The following BSX variants were observed in gnomAD, a reference collection of about 807,000 sequenced individuals.
The protein encoded by BSX is brain-specific homeobox protein homolog.
A neutral mutation model predicts 16.9 loss-of-function variants in BSX; 12 were observed. That is an observed-to-expected ratio of 0.71 (90% CI 0.46 to 1.15). BSX has a LOEUF of 1.15. Among genes scored for constraint, BSX ranks in the 50% most tolerant of loss-of-function variants. The pLI, the probability that BSX is intolerant of heterozygous loss-of-function variation, is 0.00. For synonymous variants in BSX, 160 were observed against 136.4 expected, an observed-to-expected ratio of 1.17 and a Z score of -1.20; for missense variants, 292 against 311.8, an observed-to-expected ratio of 0.94 and a Z score of 0.48.
rs766331352 is a variant in BSX at position 122,977,601 on chromosome 11, G to C, written c.*48C>G. On this transcript the variant is annotated 3_prime_UTR_variant, in exon 3 of 3. Transcript: ENST00000343035. This position sits in a 1 kb window ranked among gnomAD's most constrained non-coding sequence, Gnocchi z 4.5. ...TCCGGTCCAGGAGGGAACCGCGCTCGGCCCCGCAGTCTCCTCCCCTGCCTA... is the reference window on the plus strand; with the variant it reads ...TCCGGTCCAGGAGGGAACCGCGCTCCGCCCCGCAGTCTCCTCCCCTGCCTA... 18 of 1,556,136 alleles carry C rather than the reference G, an allele frequency of 1.2e-5. No individual in the cohort carries two copies. The highest frequency in any genetic ancestry group is 1.1e-4 in the East Asian group (5 of 44,438).
chr11:122,977,947 G>T lies in BSX; in HGVS notation c.460-56C>A, dbSNP rs1864518728. 6.2e-7 allele frequency: 1 copy of T among 1,603,392 alleles called. No individual in the cohort carries two copies. Among genetic ancestry groups the T allele is most frequent in the African/African-American group, 1.3e-5 (1 of 74,850 alleles). ...GTCATTCCTCCAAATCTGAGCCATC[G>T]CTGGGGTTTAGGAAAATGGGCTGCA... On this transcript the variant is annotated intron_variant, in intron 2 of 2. Transcript: ENST00000343035. This position sits in a 1 kb window ranked among gnomAD's most constrained non-coding sequence, Gnocchi z 4.5.
chr11:122,981,630 A>C lies in BSX; in HGVS notation c.42T>G (p.Ser14=), dbSNP rs775804911. Residue 14 remains serine, a synonymous_variant, in exon 1 of 3, where the codon TCT becomes TCG. Coordinates refer to ENST00000343035, the MANE Select transcript of BSX (RefSeq NM_001098169.2). The part of the protein sequence containing the change: ...NFTSPLHPAS[S]QRPTSFFIED... The stretch of plus-strand genomic sequence containing the variant: ...CGATGAAGAAGGATGTGGGCCTCTG[A>C]GAAGACGCCGGGTGTAGAGGAGAGG... 1 of 1,597,800 alleles carries C rather than the reference A, an allele frequency of 6.3e-7. No individual in the cohort carries two copies. Among genetic ancestry groups the C allele is most frequent in the Non-Finnish European group, 8.5e-7 (1 of 1,172,504 alleles).
In BSX at chr11:122,979,293, G is replaced by C. The variant is rs766532036; in HGVS notation, c.427C>G (p.Leu143Val). 1.2e-6 allele frequency: 2 copies of C among 1,613,972 alleles called. No individual in the cohort carries two copies. The highest frequency in any genetic ancestry group is 1.7e-5 in the Admixed American group (1 of 60,018). ...TCGGACAGGCTGAGGGCCGTGGCCAGCTCCACTCGTTCTGGCGTGGACAGG... is the reference window on the plus strand; with the variant it reads ...TCGGACAGGCTGAGGGCCGTGGCCACCTCCACTCGTTCTGGCGTGGACAGG... The part of the protein sequence containing the change: ...RYLSTPERVE[L>V]ATALSLSETQ... Residue 143 changes from leucine to valine, a missense_variant, in exon 2 of 3, where the codon CTG (leucine) becomes GTG (valine). Physicochemically the swap from Leu to Val is conservative, Grantham distance 32. Coordinates refer to ENST00000343035, the MANE Select transcript of BSX (RefSeq NM_001098169.2).
In BSX at chr11:122,981,815, C is replaced by T. The variant is rs893037623; in HGVS notation, c.-144G>A. The T allele has an allele frequency of 9.5e-5, 81 of 851,480 alleles. No individual in the cohort carries two copies. The Admixed American group carries it at 1.4e-3, about 14-fold the overall frequency. The allele number at this position is 851,480 out of a possible 1,614,324, so 52.7% of individuals were successfully genotyped here. A position where few individuals can be genotyped will look rare whatever the true frequency, so the allele number is the denominator to read the frequency against. ...TCTCCCGGGCCTGGGCTACCCCGGGCGCTGGAGAGGCAAGAAGACAAGCTC... is the reference window on the plus strand; with the variant it reads ...TCTCCCGGGCCTGGGCTACCCCGGGTGCTGGAGAGGCAAGAAGACAAGCTC... On this transcript the variant is annotated 5_prime_UTR_variant, in exon 1 of 3. Coordinates refer to ENST00000343035, the MANE Select transcript of BSX (RefSeq NM_001098169.2).
intron 1 of BSX, 91 bp downstream of exon 1, chr11:122,981,319 C>G (rs1420482035): frequency 7.8e-7 from 1 of 1,280,082 alleles, no homozygotes; most frequent in Non-Finnish European, 1.0e-6. Flanking sequence ...CCGAGCCAGT[C>G]TGGCCTTTCC....
At position 122,977,664 on chromosome 11, in the gene BSX, C is replaced by T. The variant is rs1167887857; in HGVS notation, c.687G>A (p.Gly229=). Residue 229 remains glycine, a synonymous_variant, in exon 3 of 3, where the codon GGG becomes GGA. Coordinates refer to ENST00000343035, the MANE Select transcript of BSX (RefSeq NM_001098169.2). This position sits in a 1 kb window ranked among gnomAD's most constrained non-coding sequence, Gnocchi z 4.5. ...GCCTGGCGGCTCAGAGCACGTGCGG[C>T]CCTGAGCCCAGCTCCCCCTCGTCTC... is the stretch of plus-strand genomic sequence containing the variant. The part of the protein sequence containing the change: ...DIGDEGELGS[G]PHVL 7 of 1,609,542 alleles carry T rather than the reference C, an allele frequency of 4.3e-6. No homozygotes were observed. The highest frequency in any genetic ancestry group is 5.9e-6 in the Non-Finnish European group (7 of 1,179,826).
In BSX at chr11:122,981,688, G is replaced by A. The variant is rs778234140; in HGVS notation, c.-17C>T. The A allele has an allele frequency of 1.3e-6, 2 of 1,573,832 alleles. No homozygotes were observed. Among genetic ancestry groups the A allele is most frequent in the Non-Finnish European group, 1.7e-6 (2 of 1,161,570 alleles). ...GAGATTCATCTTGAGCGGAGCACCT[G>A]CCACAGGACAAGGGCCGGGACGAAG... On this transcript the variant is annotated 5_prime_UTR_variant, in exon 1 of 3. Coordinates refer to ENST00000343035, the MANE Select transcript of BSX (RefSeq NM_001098169.2).
intron 1 of BSX, 67 bp from the exon 2 acceptor site, chr11:122,979,524 C>A: frequency 7.3e-7 from 1 of 1,375,272 alleles, no homozygotes; most frequent in South Asian, 1.3e-5. Flanking sequence ...CGCTCCGCTC[C>A]CCTCCCCTCC....
chr11:122,980,853 A>C (rs1864560225), intron 1 of BSX, among the ~76,000 whole-genome samples: 1 of 151,526 alleles, frequency 6.6e-6, no homozygotes, highest in Non-Finnish European at 1.5e-5. Flanking sequence ...ATCTCCCCCT[A>C]CCCCCCTTTT....
At chr11:122,979,479 A>T in intron 1 of BSX, 22 bp from the exon 2 acceptor site, 1 of 1,594,992 alleles carries the variant, frequency 6.3e-7, no homozygotes, top group South Asian at 1.1e-5. Flanking sequence ...AGAGCAACCA[A>T]GTGGGCAGAG....
intron 2 of BSX, among the ~76,000 whole-genome samples, chr11:122,978,998 G>A (rs1864534538): frequency 6.6e-6 from 1 of 151,662 alleles, no homozygotes; most frequent in Non-Finnish European, 1.5e-5. Context: ...TAGAGACGGG[G>A]TTTCACCATA....
rs907676142 is a variant in BSX, at chr11:122,977,582, C to T, written c.*67G>A. On this transcript the variant is annotated 3_prime_UTR_variant, in exon 3 of 3. Transcript: ENST00000343035. The surrounding 1 kb of genome is among the most constrained non-coding windows in gnomAD (Gnocchi z 4.5). ...GAGACTGGAGTCTGAGTCTTCCGGTCCAGGAGGGAACCGCGCTCGGCCCCG... is the reference window on the plus strand; with the variant it reads ...GAGACTGGAGTCTGAGTCTTCCGGTTCAGGAGGGAACCGCGCTCGGCCCCG... The T allele has an allele frequency of 1.3e-6, 2 of 1,534,162 alleles. No individual in the cohort carries two copies. The highest frequency in any genetic ancestry group is 1.7e-6 in the Non-Finnish European group (2 of 1,150,788).
chr11:122,981,270 C>T lies in BSX; in HGVS notation c.262+140G>A, dbSNP rs139357740. On this transcript the variant is annotated intron_variant, in intron 1 of 2. Coordinates refer to ENST00000343035, the MANE Select transcript of BSX (RefSeq NM_001098169.2). The stretch of plus-strand genomic sequence containing the variant: ...GCATGGCCTCAGCAATATCCTCAGC[C>T]TTCCACTGTCACTTAGGGAAAGAGG... 1.1e-3 allele frequency: 853 copies of T among 792,020 alleles called. 11 individuals are homozygous for T. The African/African-American group carries it at 0.012, about 12-fold the overall frequency. 49.1% of individuals were successfully genotyped at this position (792,020 alleles called of 1,614,324 possible). A position where few individuals can be genotyped will look rare whatever the true frequency, so the allele number is the denominator to read the frequency against.
intron 2 of BSX, among the ~76,000 whole-genome samples, chr11:122,979,046 C>T (rs976253085): frequency 3.5e-4 from 53 of 152,036 alleles, no homozygotes; most frequent in Non-Finnish European, 1.3e-4. Flanking sequence ...CCTCGTGATC[C>T]GCCCGCCTCG....
In BSX at chr11:122,979,294, C is replaced by G; in HGVS notation, c.426G>C (p.Glu142Asp). 1 of 1,614,006 alleles carries G rather than the reference C, an allele frequency of 6.2e-7. No individual in the cohort carries two copies. The highest frequency in any genetic ancestry group is 8.5e-7 in the Non-Finnish European group (1 of 1,179,914). The part of the protein sequence containing the change: ...QRYLSTPERV[E>D]LATALSLSET... Reference sequence around the variant, plus strand: ...CGGACAGGCTGAGGGCCGTGGCCAGCTCCACTCGTTCTGGCGTGGACAGGT... The same window carrying G: ...CGGACAGGCTGAGGGCCGTGGCCAGGTCCACTCGTTCTGGCGTGGACAGGT... The change falls in exon 2 of 3, where the codon GAG becomes GAC. Residue 142 changes from glutamate (E) to aspartate (D), a missense_variant. Glu to Asp is a conservative substitution (Grantham distance 45). Transcript: ENST00000343035.
Position 122,979,395 on chromosome 11 carries a change from G to A in BSX, c.325C>T (p.Arg109Cys), listed in dbSNP as rs1482864599. Residue 109 changes from arginine to cysteine, a missense_variant, in exon 2 of 3, where the codon CGC (arginine) becomes TGC (cysteine). This residue lies in a region of BSX where 176 missense variants were observed against 187.2 expected (regional missense o/e 0.94). Transcript: ENST00000343035. Reference sequence around the variant, plus strand: ...AAAACCGTGCGGGCTTTGCGGCGGCGGCAGTGCTTCCCCGGCAGCTCCGCG... The same window carrying A: ...AAAACCGTGCGGGCTTTGCGGCGGCAGCAGTGCTTCCCCGGCAGCTCCGCG... ...QHAELPGKHC[R>C]RRKARTVFSD... 23 of 1,613,910 alleles carry A rather than the reference G, an allele frequency of 1.4e-5. No individual in the cohort carries two copies. The highest frequency in any genetic ancestry group is 2.2e-5 in the East Asian group (1 of 44,880).
In BSX at chr11:122,979,425, G is replaced by A; in HGVS notation, c.295C>T (p.Gln99Ter). 1 of 1,613,364 alleles carries A rather than the reference G, an allele frequency of 6.2e-7. No individual in the cohort carries two copies. Among genetic ancestry groups the A allele is most frequent in the Non-Finnish European group, 8.5e-7 (1 of 1,179,874 alleles). The change falls in exon 2 of 3, where the codon CAG becomes TAG. Residue 99 changes from glutamine to a stop codon, truncating the protein, a stop_gained. Coordinates refer to ENST00000343035, the MANE Select transcript of BSX (RefSeq NM_001098169.2). LOFTEE classifies it high-confidence loss of function. Reference sequence around the variant, plus strand: ...TGCTTCCCCGGCAGCTCCGCGTGCTGCGGGTGCGGGAACAGCGCTGGGACT... The same window carrying A: ...TGCTTCCCCGGCAGCTCCGCGTGCTACGGGTGCGGGAACAGCGCTGGGACT... ...MPVPALFPHP[Q>*]HAELPGKHCR...
At chr11:122,980,463 T>G (rs2135401527) in intron 1 of BSX, among the ~76,000 whole-genome samples, 1 of 152,232 alleles carries the variant, frequency 6.6e-6, no homozygotes, top group South Asian at 2.1e-4. Context: ...ACAAACACTT[T>G]TAGCTTTGTT....
intron 1 of BSX, 97 bp from the exon 2 acceptor site, chr11:122,979,554 C>A: frequency 9.6e-7 from 1 of 1,040,072 alleles, no homozygotes; most frequent in Non-Finnish European, 1.4e-6. Flanking sequence ...CAGTGCCTTC[C>A]TCCGCCCCTC....
Sources: gnomAD v4.1 joint callset for allele counts (sites outside exome capture counted in the v4.1 genomes callset) on GRCh38, gnomAD v4.1.1 for gene constraint, gnomAD v4.1.1 regional missense constraint, Gnocchi (gnomAD v3.1) non-coding constraint, MANE v1.5 for transcripts, NCBI Gene and HGNC (gene_info 2026-07-23, HGNC 2026-07-21) for gene names.